MVD: variants seen among roughly 807,000 people sequenced by gnomAD.
The protein encoded by MVD is diphosphomevalonate decarboxylase.
Under a neutral mutation model 42.4 loss-of-function variants are expected in MVD, and 52 were observed. That is an observed-to-expected ratio of 1.23 (90% CI 0.98 to 1.55). The LOEUF (loss-of-function observed/expected upper bound fraction) is 1.55, where lower values mean the gene tolerates loss of function less well. Among genes scored for constraint, MVD ranks in the 40% most tolerant of loss-of-function variants. MVD has a pLI of 0.00. For missense variants in MVD, 663 were observed against 572.1 expected (o/e 1.16, Z -1.62); for synonymous variants, 287 against 243.2 (o/e 1.18, Z -1.68).
intron 8 of MVD, 73 bp downstream of exon 8, chr16:88,654,619 T>G: frequency 1.4e-6 from 2 of 1,449,908 alleles, no homozygotes; most frequent in Non-Finnish European, 1.9e-6. Flanking sequence ...AGCCTTCAGG[T>G]GCCTCCGTCT....
intron 1 of MVD, 70 bp from the exon 2 acceptor site, chr16:88,658,790 GC>G (rs1908108574): frequency 1.6e-6 from 2 of 1,263,372 alleles, no homozygotes; most frequent in Non-Finnish European, 1.1e-6. Context: ...CCCCACAGGT[GC>G]CCCCACCCCC....
At position 88,654,758 on chromosome 16, in the gene MVD, T is replaced by A; in HGVS notation, c.947A>T (p.Asp316Val). The change falls in exon 8 of 10, where the codon GAC (aspartate) becomes GTC (valine). Residue 316 changes from aspartate to valine, a missense_variant. By Grantham distance (152) the Asp-to-Val change is radical (BLOSUM62 -3). Coordinates refer to ENST00000301012, the MANE Select transcript of MVD (RefSeq NM_002461.3). ...AGCCACAAACTCAGCCACAGTGTCG[T>A]CCAGGGTGAAGATCACGGCATTGGG... ...AGPNAVIFTL[D>V]DTVAEFVAAV... The A allele has an allele frequency of 6.2e-7, 1 of 1,600,804 alleles. No individual in the cohort carries two copies. The highest frequency in any genetic ancestry group is 1.1e-5 in the South Asian group (1 of 88,966).
Position 88,652,370 on chromosome 16 carries a change from G to T in MVD, c.*155C>A. 1 of 800,288 alleles carries T rather than the reference G, an allele frequency of 1.2e-6. No homozygotes were observed. Among genetic ancestry groups the T allele is most frequent in the Non-Finnish European group, 2.1e-6 (1 of 482,140 alleles). The allele number at this position is 800,288 out of a possible 1,614,324, so 49.6% of individuals were successfully genotyped here. A position where few individuals can be genotyped will look rare whatever the true frequency, so the allele number is the denominator to read the frequency against. On this transcript the variant is annotated 3_prime_UTR_variant, in exon 10 of 10. Transcript: ENST00000301012. Reference sequence around the variant, plus strand: ...CTCTCCTGACACCTGGGCGGCCGCAGGACTCCCTGCACTGCCCCACAGCAA... The same window carrying T: ...CTCTCCTGACACCTGGGCGGCCGCATGACTCCCTGCACTGCCCCACAGCAA...
intron 1 of MVD, 87 bp downstream of exon 1, chr16:88,662,924 G>T (rs1353693578): frequency 2.6e-6 from 4 of 1,540,560 alleles, no homozygotes; most frequent in South Asian, 1.2e-5. Flanking sequence ...GGGCAGGACG[G>T]AGCGCGCCGC....
At chr16:88,656,068 C>T in intron 5 of MVD, 37 bp downstream of exon 5, 3 of 1,552,326 alleles carry the variant, frequency 1.9e-6, no homozygotes, top group Non-Finnish European at 1.7e-6. Flanking sequence ...GGACAGAGGC[C>T]ACCGGGCTGC....
rs770561548 is a variant in MVD at position 88,657,981 on chromosome 16, G to C, written c.190C>G (p.Arg64Gly). 1 of 1,613,886 alleles carries C rather than the reference G, an allele frequency of 6.2e-7. No individual in the cohort carries two copies. The highest frequency in any genetic ancestry group is 8.5e-7 in the Non-Finnish European group (1 of 1,180,042). ...TCCTCCCGGCCATTCAGCCAAATCC[G>C]GTCCTCGGTGAAGTCCTTGCTGATG... ...AVISKDFTED[R>G]IWLNGREEDV... Residue 64 changes from arginine to glycine, a missense_variant, in exon 3 of 10, where the codon CGG (arginine) becomes GGG (glycine). Arg to Gly is a moderately radical substitution (Grantham distance 125, BLOSUM62 -2). Transcript: ENST00000301012.
At chr16:88,654,202 C>T (rs183364189) in intron 8 of MVD, among the ~76,000 whole-genome samples, 1 of 151,944 alleles carries the variant, frequency 6.6e-6, no homozygotes, top group Non-Finnish European at 1.5e-5. Context: ...GGCTCTGTGG[C>T]GCCAAGATGC....
chr16:88,655,183 T>A lies in MVD; in HGVS notation c.897+16A>T. ...TACAGCGCGAGCGCAGCCTCTGCCC[T>A]CCCGGCCCGCGTCACCTTGGTGTCC... On this transcript the variant is annotated intron_variant, in intron 7 of 9. Transcript: ENST00000301012. The A allele has an allele frequency of 1.3e-6, 2 of 1,552,012 alleles. No homozygotes were observed. Among genetic ancestry groups the A allele is most frequent in the Non-Finnish European group, 1.7e-6 (2 of 1,147,752 alleles).
At chr16:88,656,990 C>T (rs1217231088) in intron 4 of MVD, 1 of 353,140 alleles carries the variant, frequency 2.8e-6, no homozygotes, top group Non-Finnish European at 5.6e-6. Flanking sequence ...ACCAGCTGTG[C>T]CCATTGGAAT....
At chr16:88,655,164 G>A (rs1204405697) in intron 7 of MVD, 35 bp downstream of exon 7, 23 of 1,546,512 alleles carry the variant, frequency 1.5e-5, no homozygotes, top group East Asian at 2.4e-5. Flanking sequence ...GCGCTACAGC[G>A]CGAGCGCAGC....
intron 1 of MVD, chr16:88,662,627 G>A (rs1242645387): frequency 2.5e-6 from 3 of 1,184,304 alleles, no homozygotes; most frequent in East Asian, 7.2e-5. Context: ...CTGCAGCCTC[G>A]ACCTCCCGGG....
Position 88,652,495 on chromosome 16 carries a change from C to A in MVD, c.*30G>T. The A allele has an allele frequency of 6.4e-7, 1 of 1,553,334 alleles. No individual in the cohort carries two copies. The highest frequency in any genetic ancestry group is 8.7e-7 in the Non-Finnish European group (1 of 1,148,386). On this transcript the variant is annotated 3_prime_UTR_variant, in exon 10 of 10. Coordinates refer to ENST00000301012, the MANE Select transcript of MVD (RefSeq NM_002461.3). The stretch of plus-strand genomic sequence containing the variant: ...TAGCTCCGGCGAGGCCACCCCTTCT[C>A]CAAGCGGCATGCGGTCCCTGCTGAG...
At chr16:88,656,552 C>T (rs1052810684) in intron 4 of MVD, 3 of 578,792 alleles carry the variant, frequency 5.2e-6, no homozygotes, top group African/African-American at 3.7e-5. Flanking sequence ...ACAAGGGCAA[C>T]AAAAGGTACC....
In MVD at chr16:88,655,351, A is replaced by G. The variant is rs1308581314; in HGVS notation, c.745T>C (p.Phe249Leu). 2.5e-6 allele frequency: 4 copies of G among 1,602,766 alleles called. No individual in the cohort carries two copies. In the South Asian group the frequency reaches 3.4e-5, roughly 13 times the overall value. Residue 249 changes from phenylalanine (F) to leucine (L), a missense_variant, in exon 7 of 10, where the codon TTC becomes CTC. Phe to Leu is a conservative substitution (Grantham distance 22). Transcript: ENST00000301012. ...ATGGTCAGCTGGGCGAAGCTGGGGA[A>G]GTCTCGCTCCCGGATGCAGCGGGCC... The part of the protein sequence containing the change: ...EMARCIRERD[F>L]PSFAQLTMKD...
chr16:88,662,377 C>G (rs1329318471), intron 1 of MVD, among the ~76,000 whole-genome samples: 2 of 152,198 alleles, frequency 1.3e-5, no homozygotes, highest in African/African-American at 4.8e-5. Context: ...AACTGCGATT[C>G]CAGTTTCAGA....
rs779441724 is a variant in MVD at position 88,653,336 on chromosome 16, C to T, written c.1086G>A (p.Pro362=). 9.4e-6 allele frequency: 15 copies of T among 1,600,508 alleles called. No homozygotes were observed. Among genetic ancestry groups the T allele is most frequent in the Middle Eastern group, 3.3e-4 (2 of 6,034 alleles). ...TGATGTATTTGACCCCACCGGGGGT[C>T]GGCTCCATGGCCAGCGCAGCCTGAA... The part of the protein sequence containing the change: ...AELQAALAME[P]TPGGVKYIIV... Residue 362 remains proline (P), a synonymous_variant, in exon 9 of 10, where the codon CCG becomes CCA. Transcript: ENST00000301012.
At chr16:88,658,108 A>G in intron 2 of MVD, 79 bp from the exon 3 acceptor site, 2 of 1,417,642 alleles carry the variant, frequency 1.4e-6, no homozygotes, top group Non-Finnish European at 2.0e-6. Context: ...CTACTGAGAG[A>G]GCCTCATGGC....
chr16:88,653,502 T>C, intron 8 of MVD, 94 bp from the exon 9 acceptor site: 1 of 1,069,228 alleles, frequency 9.4e-7, no homozygotes, highest in Non-Finnish European at 1.3e-6. Context: ...GGGAAGTGCA[T>C]TCCTGGCCGT....
chr16:88,658,977 A>C, intron 1 of MVD: 3 of 459,710 alleles, frequency 6.5e-6, no homozygotes, highest in East Asian at 4.3e-5. Context: ...CATCGCTTCT[A>C]CTCCAGCATC....
Sources: allele counts gnomAD v4.1 joint callset (sites outside exome capture counted in the v4.1 genomes callset), GRCh38; gene constraint gnomAD v4.1.1; transcripts MANE v1.5; gene names NCBI Gene and HGNC (gene_info 2026-07-23, HGNC 2026-07-21).